The following SLC30A6 variants were observed in gnomAD, a reference collection of about 807,000 sequenced individuals.
SLC30A6 encodes solute carrier family 30 member 6, also known as zinc transporter 6.
A neutral mutation model predicts 63.0 loss-of-function variants in SLC30A6; 55 were observed. The observed-to-expected ratio is 0.87, with a 90% CI of 0.70 to 1.09. SLC30A6 has a LOEUF of 1.09. Ranked by LOEUF, SLC30A6 falls within the 50% of genes least tolerant of loss-of-function variation. The pLI is 0.00. For synonymous variants in SLC30A6, 224 were observed against 186.1 expected, an observed-to-expected ratio of 1.20 and a Z score of -1.66; for missense variants, 587 against 549.2, an observed-to-expected ratio of 1.07 and a Z score of -0.69.
rs764304031 is a variant in SLC30A6 at position 32,220,399 on chromosome 2, G to A, written c.1072G>A (p.Val358Ile). 64 of 1,614,018 alleles carry A rather than the reference G, an allele frequency of 4.0e-5. No homozygotes were observed. Among genetic ancestry groups the A allele is most frequent in the African/African-American group, 1.6e-4 (12 of 74,902 alleles). ...ANVLNFSDHH[V>I]IPMPLLKGTD... ...TGTCCTAAACTTTTCAGATCATCAC[G>A]TAATCCCAATGCCTCTTTTAAAGGG... Residue 358 changes from valine (V) to isoleucine (I), a missense_variant, in exon 14 of 14, where the codon GTA becomes ATA. Coordinates refer to ENST00000282587, the MANE Select transcript of SLC30A6 (RefSeq NM_017964.5).
At chr2:32,173,030 A>G (rs1307210759) in intron 2 of SLC30A6, among the ~76,000 whole-genome samples, 1 of 152,222 alleles carries the variant, frequency 6.6e-6, no homozygotes, top group Non-Finnish European at 1.5e-5. Flanking sequence ...CTACTGAAAG[A>G]TGATGTCCCT....
rs775484851 is a variant in SLC30A6, at chr2:32,184,369, C to T, written c.284+31C>T. 3.2e-6 allele frequency: 4 copies of T among 1,256,446 alleles called. No individual in the cohort carries two copies. In the South Asian group the frequency reaches 4.9e-5, roughly 15 times the overall value. The allele number at this position is 1,256,446 out of a possible 1,614,324, so 77.8% of individuals were successfully genotyped here. ...TTCAAATTATTTTATTTTCTGCTAA[C>T]TTATGACTACTAAAATATTATTTAT... On this transcript the variant is annotated intron_variant, in intron 5 of 13. Transcript: ENST00000282587.
intron 13 of SLC30A6, among the ~76,000 whole-genome samples, chr2:32,210,389 C>G (rs1321427743): frequency 6.6e-6 from 1 of 151,724 alleles, no homozygotes; most frequent in African/African-American, 2.4e-5. Context: ...GTGGCACACG[C>G]CTGTAATTCC....
chr2:32,183,318 A>T (rs1412503738), intron 4 of SLC30A6, among the ~76,000 whole-genome samples: 1 of 152,170 alleles, frequency 6.6e-6, no homozygotes, highest in Non-Finnish European at 1.5e-5. Context: ...GGAGCCTTTC[A>T]TATTTCCATT....
chr2:32,201,720 T>C, intron 10 of SLC30A6: 1 of 1,359,784 alleles, frequency 7.4e-7, no homozygotes. Flanking sequence ...GGCTAATGGA[T>C]TATGGACCTG....
intron 4 of SLC30A6, among the ~76,000 whole-genome samples, chr2:32,180,219 C>T (rs1477375510): frequency 2.0e-5 from 3 of 151,968 alleles, no homozygotes; most frequent in Non-Finnish European, 4.4e-5. Context: ...CTGGGCAATA[C>T]AGTGAAACCT....
chr2:32,197,703 T>C lies in SLC30A6; in HGVS notation c.546-4T>C, dbSNP rs754192620. ...GGATACTCTTTCTGTTTGTTTTTTC[T>C]TAGCTTGTGTGGAATTATTCCGGGA... On this transcript the variant is annotated splice_region_variant and splice_polypyrimidine_tract_variant and intron_variant, in intron 9 of 13. Coordinates refer to ENST00000282587, the MANE Select transcript of SLC30A6 (RefSeq NM_017964.5). The C allele has an allele frequency of 1.2e-6, 2 of 1,613,918 alleles. No individual in the cohort carries two copies. The highest frequency in any genetic ancestry group is 3.3e-5 in the Admixed American group (2 of 59,980).
At chr2:32,209,585 T>C (rs761457225) in intron 13 of SLC30A6, 24 bp downstream of exon 13, 19 of 1,548,294 alleles carry the variant, frequency 1.2e-5, no homozygotes, top group South Asian at 3.6e-5. Context: ...CATATGACTT[T>C]AGTTATAATT....
chr2:32,203,531 C>A, intron 10 of SLC30A6: 1 of 1,606,336 alleles, frequency 6.2e-7, no homozygotes, highest in Non-Finnish European at 8.5e-7. Context: ...CTTTGAACCA[C>A]GATCTTTGAT....
intron 12 of SLC30A6, among the ~76,000 whole-genome samples, chr2:32,208,323 G>A (rs1461696769): frequency 6.6e-6 from 1 of 151,810 alleles, no homozygotes; most frequent in Non-Finnish European, 1.5e-5. Context: ...TAGAGACGAG[G>A]TTTCACCATG....
chr2:32,215,500 T>C (rs202063192), intron 13 of SLC30A6, among the ~76,000 whole-genome samples: 1 of 134,364 alleles, frequency 7.4e-6, no homozygotes, highest in Non-Finnish European at 1.5e-5. Context: ...TGGCCATCTA[T>C]TATATATATA....
chr2:32,216,524 A>T lies in SLC30A6; in HGVS notation c.886-3689A>T, dbSNP rs545723381. ...GCACTCCAGCCTGGGCAAGAGAGCA[A>T]GACTCTCTCAAAATAAATAAATAAA... On this transcript the variant is annotated intron_variant, in intron 13 of 13. Transcript: ENST00000282587. 6.1e-5 allele frequency among the ~76,000 whole-genome samples: 9 copies of T among 147,472 alleles called. No homozygotes were observed. The South Asian group carries it at 1.3e-3, about 21-fold the overall frequency.
intron 10 of SLC30A6, chr2:32,201,827 A>G: frequency 7.0e-7 from 1 of 1,422,946 alleles, no homozygotes; most frequent in Non-Finnish European, 9.8e-7. Context: ...AGCCACCATT[A>G]TGACTCAGAT....
chr2:32,167,382 CTTTTTTTT>C (rs11293465), intron 1 of SLC30A6, among the ~76,000 whole-genome samples: 5 of 132,538 alleles, frequency 3.8e-5, no homozygotes, highest in African/African-American at 1.1e-4. Flanking sequence ...GCCACAAACT[CTTTTTTTT>C]TTTTTTTTTT....
intron 13 of SLC30A6, among the ~76,000 whole-genome samples, chr2:32,213,297 T>C (rs1244444105): frequency 7.5e-6 from 1 of 133,438 alleles, no homozygotes; most frequent in African/African-American, 2.9e-5. Flanking sequence ...CTTTTTGATA[T>C]GGAGCTTTTT....
chr2:32,167,872 T>A (rs868818166), intron 1 of SLC30A6, among the ~76,000 whole-genome samples: 116 of 152,326 alleles, frequency 7.6e-4, no homozygotes, highest in African/African-American at 2.6e-3. Context: ...TCTCTTGTGT[T>A]TTTTACCAGT....
chr2:32,189,258 T>A (rs562822393), intron 5 of SLC30A6, among the ~76,000 whole-genome samples: 7 of 151,106 alleles, frequency 4.6e-5, no homozygotes, highest in South Asian at 4.2e-4. Context: ...TTGCTTCCTG[T>A]CCTTGACAAC....
intron 5 of SLC30A6, among the ~76,000 whole-genome samples, chr2:32,191,428 G>A (rs766685920): frequency 4.0e-5 from 6 of 151,804 alleles, no homozygotes; most frequent in African/African-American, 7.3e-5. Context: ...CTGTGCCTCC[G>A]TGATTATTTT....
intron 8 of SLC30A6, among the ~76,000 whole-genome samples, chr2:32,196,615 T>G (rs915474122): frequency 6.6e-6 from 1 of 152,220 alleles, no homozygotes; most frequent in South Asian, 2.1e-4. Flanking sequence ...ATCCCAAACC[T>G]GAAAATTTAA....
Sources: gnomAD v4.1 joint callset for allele counts (sites outside exome capture counted in the v4.1 genomes callset) on GRCh38, gnomAD v4.1.1 for gene constraint, MANE v1.5 for transcripts, NCBI Gene and HGNC (gene_info 2026-07-23, HGNC 2026-07-21) for gene names.